PRKACB: variants seen among roughly 807,000 people sequenced by gnomAD.
PRKACB encodes protein kinase cAMP-activated catalytic subunit beta, also known as cAMP-dependent protein kinase catalytic subunit beta.
Under a neutral mutation model 51.4 loss-of-function variants are expected in PRKACB, and 16 were observed. The ratio of observed to expected loss-of-function variants is 0.31; its 90% CI spans 0.21 to 0.47. The LOEUF is 0.47. Among genes scored for constraint, PRKACB ranks in the 20% least tolerant of loss-of-function variants. The pLI is 1.00. For missense variants in PRKACB, 309 were observed against 464.5 expected (o/e 0.67, Z 3.08); for synonymous variants, 147 against 154.4 (o/e 0.95, Z 0.35).
chr1:84,164,481 G>A (rs1656760596), intron 1 of PRKACB: 1 of 1,537,596 alleles, frequency 6.5e-7, no homozygotes, highest in Admixed American at 2.0e-5. Context: ...AAAAAGCGTA[G>A]ATTAGTGCTT....
intron 1 of PRKACB, among the ~76,000 whole-genome samples, chr1:84,112,225 CTTTTTTTTTTT>C (rs905575496): frequency 1.7e-5 from 2 of 120,040 alleles, no homozygotes; most frequent in African/African-American, 3.1e-5. Context: ...TGGACTGCTT[CTTTTTTTTTTT>C]TTTTTTTTTT....
At chr1:84,117,396 A>C (rs779885941) in intron 1 of PRKACB, among the ~76,000 whole-genome samples, 21 of 152,070 alleles carry the variant, frequency 1.4e-4, no homozygotes, top group Non-Finnish European at 2.9e-4. Context: ...TCCTTAGTAC[A>C]TTTGGTAGAA....
intron 1 of PRKACB, among the ~76,000 whole-genome samples, chr1:84,110,188 A>G (rs1035378955): frequency 1.3e-5 from 2 of 152,002 alleles, no homozygotes; most frequent in Non-Finnish European, 2.9e-5. Context: ...ATATTAAAAC[A>G]ACAAAACAGT....
intron 1 of PRKACB, among the ~76,000 whole-genome samples, chr1:84,163,876 T>C (rs1242173647): frequency 2.0e-5 from 3 of 151,984 alleles, no homozygotes; most frequent in Non-Finnish European, 4.4e-5. Flanking sequence ...ATTCTATAGA[T>C]TCTTTGTACC....
At chr1:84,184,638 C>G (rs1664559406) in intron 4 of PRKACB, among the ~76,000 whole-genome samples, 1 of 151,866 alleles carries the variant, frequency 6.6e-6, no homozygotes. Context: ...TGGCATCTCT[C>G]TGCAATATTG....
At chr1:84,081,692 T>A (rs1647547555) in intron 1 of PRKACB, among the ~76,000 whole-genome samples, 1 of 152,140 alleles carries the variant, frequency 6.6e-6, no homozygotes, top group Non-Finnish European at 1.5e-5. Flanking sequence ...ACACGCTACT[T>A]CTTTTAACCT....
intron 1 of PRKACB, among the ~76,000 whole-genome samples, chr1:84,150,620 G>C (rs996252222): frequency 3.9e-5 from 6 of 152,066 alleles, no homozygotes; most frequent in African/African-American, 1.4e-4. Flanking sequence ...AAACAAACAT[G>C]GCACTTCCCC....
upstream of PRKACB, among the ~76,000 whole-genome samples, chr1:84,140,641 C>A (rs1169738724): frequency 6.6e-6 from 1 of 152,092 alleles, no homozygotes; most frequent in African/African-American, 2.4e-5. Flanking sequence ...AATTTTATGG[C>A]TATAGGTGAC....
intron 1 of PRKACB, among the ~76,000 whole-genome samples, chr1:84,145,545 G>C (rs970903702): frequency 6.6e-6 from 1 of 152,112 alleles, no homozygotes; most frequent in African/African-American, 2.4e-5. Flanking sequence ...CAGTGTTATA[G>C]AAGCTTATTT....
intron 1 of PRKACB, among the ~76,000 whole-genome samples, chr1:84,136,255 A>AT (rs974924821): frequency 1.3e-5 from 2 of 152,054 alleles, no homozygotes; most frequent in Non-Finnish European, 2.9e-5. Flanking sequence ...ATAATTAATA[A>AT]TTTTCAGAAA....
chr1:84,216,593 A>AT (rs1672918802), intron 9 of PRKACB, among the ~76,000 whole-genome samples: 1 of 152,020 alleles, frequency 6.6e-6, no homozygotes, highest in African/African-American at 2.4e-5. Flanking sequence ...AAAAAACTTT[A>AT]TTTTTTATAT....
At chr1:84,079,594 A>G (rs899963435) in intron 1 of PRKACB, among the ~76,000 whole-genome samples, 7 of 152,212 alleles carry the variant, frequency 4.6e-5, no homozygotes, top group Non-Finnish European at 1.0e-4. Context: ...ATGAGCTATT[A>G]TATAAGCCAA....
At chr1:84,205,414 T>C (rs1270458943) in intron 8 of PRKACB, 1 of 321,790 alleles carries the variant, frequency 3.1e-6, no homozygotes, top group African/African-American at 2.2e-5. Context: ...TTGTGCAAAT[T>C]ATTAAAAATC....
At chr1:84,147,754 AT>A (rs1654298086) in intron 1 of PRKACB, among the ~76,000 whole-genome samples, 2 of 152,188 alleles carry the variant, frequency 1.3e-5, no homozygotes, top group South Asian at 4.1e-4. Context: ...GAAGAAGGTT[AT>A]TTTAAGAAAA....
At chr1:84,204,490 A>G in intron 8 of PRKACB, 1 of 1,597,852 alleles carries the variant, frequency 6.3e-7, no homozygotes, top group Non-Finnish European at 8.6e-7. Context: ...AGAACTTTTG[A>G]TATGAACAAA....
At chr1:84,114,678 C>T (rs1038890772) in intron 1 of PRKACB, among the ~76,000 whole-genome samples, 2 of 152,132 alleles carry the variant, frequency 1.3e-5, no homozygotes, top group Non-Finnish European at 2.9e-5. Context: ...CACCGTCCCC[C>T]TCCCTGCTCC....
At chr1:84,087,972 A>G (rs1177111474) in intron 1 of PRKACB, among the ~76,000 whole-genome samples, 1 of 152,206 alleles carries the variant, frequency 6.6e-6, no homozygotes, top group African/African-American at 2.4e-5. Context: ...AGATTTAGAC[A>G]AGTAAAAGCA....
At chr1:84,116,956 G>T (rs544778050) in intron 1 of PRKACB, among the ~76,000 whole-genome samples, 4 of 152,020 alleles carry the variant, frequency 2.6e-5, no homozygotes, top group African/African-American at 9.6e-5. Context: ...TGTGGGTTTG[G>T]CATGTATGGC....
At chr1:84,107,142 G>A (rs1649819520) in intron 1 of PRKACB, among the ~76,000 whole-genome samples, 6 of 151,966 alleles carry the variant, frequency 3.9e-5, no homozygotes, top group Admixed American at 3.9e-4. Context: ...TAAAATAAAA[G>A]TTAAAATATA....
Sources: allele counts gnomAD v4.1 joint callset (sites outside exome capture counted in the v4.1 genomes callset), GRCh38; gene constraint gnomAD v4.1.1; transcripts MANE v1.5; gene names NCBI Gene and HGNC (gene_info 2026-07-23, HGNC 2026-07-21).